The following KIF1B variants were observed in gnomAD, a reference collection of about 807,000 sequenced individuals.
The protein encoded by KIF1B is kinesin family member 1B, also known as kinesin-like protein KIF1B.
Under a neutral mutation model 241.9 loss-of-function variants are expected in KIF1B, and 76 were observed. That is an observed-to-expected ratio of 0.31 (90% confidence interval 0.26 to 0.38). The LOEUF (loss-of-function observed/expected upper bound fraction) is 0.38, where lower values mean the gene tolerates loss of function less well. Ranked by LOEUF, KIF1B falls within the 10% of genes least tolerant of loss-of-function variation. KIF1B has a pLI of 1.00. For missense variants in KIF1B, 1,622 were observed against 2,271.4 expected (o/e 0.71, Z 5.81); for synonymous variants, 750 against 796.7 (o/e 0.94, Z 0.99).
intron 2 of KIF1B, among the ~76,000 whole-genome samples, chr1:10,248,095 A>G (rs968991104): frequency 6.6e-6 from 1 of 152,128 alleles, no homozygotes; most frequent in Non-Finnish European, 1.5e-5. Flanking sequence ...CCCCTGCTCT[A>G]CAGCATTCTA....
At chr1:10,343,168 A>G (rs901951076) in intron 33 of KIF1B, 64 bp from the exon 34 acceptor site, 3 of 1,542,318 alleles carry the variant, frequency 1.9e-6, no homozygotes, top group Admixed American at 3.4e-5. Context: ...TCCAGCACAA[A>G]GGGGAGAATT....
intron 16 of KIF1B, among the ~76,000 whole-genome samples, chr1:10,291,630 T>A (rs534301633): frequency 6.6e-6 from 1 of 151,340 alleles, no homozygotes; most frequent in Non-Finnish European, 1.5e-5. Context: ...GAGAATGGCG[T>A]GAACCTGGGA....
chr1:10,211,079 C>T (rs1187935394), intron 1 of KIF1B, among the ~76,000 whole-genome samples: 3 of 152,026 alleles, frequency 2.0e-5, no homozygotes, highest in Admixed American at 6.6e-5. Context: ...GGCCGGCGTC[C>T]AGCGGTCGGC....
At chr1:10,286,544 A>G (rs148824474) in intron 15 of KIF1B, among the ~76,000 whole-genome samples, 28 of 152,360 alleles carry the variant, frequency 1.8e-4, no homozygotes, top group African/African-American at 6.7e-4. Flanking sequence ...GAAGCATGCT[A>G]TGTTCAGTAC....
intron 3 of KIF1B, among the ~76,000 whole-genome samples, chr1:10,257,982 G>C (rs1052229081): frequency 6.6e-6 from 1 of 152,184 alleles, no homozygotes; most frequent in Non-Finnish European, 1.5e-5. Flanking sequence ...CTGCCCTGGG[G>C]AATCGATGTT....
Position 10,337,634 on chromosome 1 carries a change from T to G in KIF1B, c.3422+101T>G. ...TACATGTGTGAGGGATTAACACTCTTGAGACAAAGACTGATCAGTCTCTGA... is the reference window on the plus strand; with the variant it reads ...TACATGTGTGAGGGATTAACACTCTGGAGACAAAGACTGATCAGTCTCTGA... On this transcript the variant is annotated intron_variant, in intron 31 of 48. Transcript: ENST00000676179. The surrounding 1 kb of genome is among the most constrained non-coding windows in gnomAD (Gnocchi z 4.0). The G allele has an allele frequency of 7.7e-7, 1 of 1,296,136 alleles. No homozygotes were observed. The allele number at this position is 1,296,136 out of a possible 1,614,324, so 80.3% of individuals were successfully genotyped here. A position where few individuals can be genotyped will look rare whatever the true frequency, so the allele number is the denominator to read the frequency against.
chr1:10,296,463 C>A, intron 19 of KIF1B, 119 bp from the exon 20 acceptor site: 1 of 829,866 alleles, frequency 1.2e-6, no homozygotes, highest in Non-Finnish European at 2.0e-6. Flanking sequence ...CAACTTCAGC[C>A]ACTTGATTGA....
chr1:10,367,342 C>T (rs753597119), intron 43 of KIF1B, among the ~76,000 whole-genome samples: 19 of 151,630 alleles, frequency 1.3e-4, no homozygotes, highest in Non-Finnish European at 2.4e-4. Flanking sequence ...GTGATCCACC[C>T]GCCTCAGCCT....
intron 26 of KIF1B, 96 bp downstream of exon 26, chr1:10,324,991 A>G: frequency 7.7e-7 from 1 of 1,296,614 alleles, no homozygotes; most frequent in South Asian, 1.2e-5. Context: ...AAGAGGAAAA[A>G]AAAAGGTGTA....
chr1:10,346,959 C>G (rs561203054), intron 35 of KIF1B, among the ~76,000 whole-genome samples: 24 of 152,328 alleles, frequency 1.6e-4, no homozygotes, highest in African/African-American at 5.5e-4. Flanking sequence ...TGTCTTCAGA[C>G]ATTGCCAAAT....
At chr1:10,364,177 A>T (rs559466881) in intron 41 of KIF1B, among the ~76,000 whole-genome samples, 8 of 147,812 alleles carry the variant, frequency 5.4e-5, no homozygotes, top group African/African-American at 2.0e-4. Context: ...CTTTTTAAAA[A>T]TTTTTATTTT....
chr1:10,361,975 T>A, intron 40 of KIF1B, 150 bp downstream of exon 40: 1 of 855,656 alleles, frequency 1.2e-6, no homozygotes, highest in Non-Finnish European at 1.9e-6. Context: ...CTGACTTGCA[T>A]GCTGACATTT....
chr1:10,263,445 C>T (rs576321702), intron 5 of KIF1B, among the ~76,000 whole-genome samples: 1 of 151,960 alleles, frequency 6.6e-6, no homozygotes, highest in East Asian at 1.9e-4. Flanking sequence ...AAAAAATAGG[C>T]TGCCTTTTAA....
chr1:10,249,122 T>G (rs1283805988), intron 2 of KIF1B, among the ~76,000 whole-genome samples: 2 of 152,220 alleles, frequency 1.3e-5, no homozygotes, highest in Non-Finnish European at 2.9e-5. Flanking sequence ...CATGTGACCC[T>G]GGGGGTGGGT....
rs1638850153 is a variant in KIF1B at position 10,375,259 on chromosome 1, C to T, written c.5294C>T (p.Pro1765Leu). Residue 1765 changes from proline to leucine, a missense_variant, in exon 48 of 49, where the codon CCA (proline) becomes CTA (leucine). Coordinates refer to ENST00000676179, the MANE Select transcript of KIF1B (RefSeq NM_001365951.3). ...SEDQQAMVKT[P>L]NTFAVCTKHR... is the part of the protein sequence containing the mutation. The stretch of plus-strand genomic sequence containing the variant: ...CTACCTGCATTTTTCTTTCAGACAC[C>T]AAACACCTTTGCTGTCTGCACAAAG... 1 of 1,613,462 alleles carries T rather than the reference C, an allele frequency of 6.2e-7. No individual in the cohort carries two copies. Among genetic ancestry groups the T allele is most frequent in the South Asian group, 1.1e-5 (1 of 91,070 alleles).
intron 22 of KIF1B, among the ~76,000 whole-genome samples, chr1:10,312,589 T>G (rs1651116253): frequency 6.6e-6 from 1 of 151,520 alleles, no homozygotes; most frequent in Admixed American, 6.6e-5. Context: ...ACTCTGCCAT[T>G]CCATCCACAC....
Position 10,318,133 on chromosome 1 carries a change from A to G in KIF1B, c.2116-1910A>G, listed in dbSNP as rs1017920794. 4.7e-4 allele frequency among the ~76,000 whole-genome samples: 71 copies of G among 151,342 alleles called. 3 individuals are homozygous for G. Among genetic ancestry groups the G allele is most frequent in the African/African-American group, 1.6e-3 (66 of 40,722 alleles). On this transcript the variant is annotated intron_variant, in intron 22 of 48. Transcript: ENST00000676179. Reference sequence around the variant, plus strand: ...CCTAAAAAAGTGTGTTTAGATATCTAGTAAAGCTATGTAGTTGGTTCGTGG... The same window carrying G: ...CCTAAAAAAGTGTGTTTAGATATCTGGTAAAGCTATGTAGTTGGTTCGTGG...
chr1:10,366,307 T>C (rs1422041261), intron 43 of KIF1B, among the ~76,000 whole-genome samples: 1 of 152,134 alleles, frequency 6.6e-6, no homozygotes, highest in East Asian at 1.9e-4. Context: ...CACAAGCATA[T>C]AATAGAGATG....
chr1:10,220,371 A>AATAGATAGATAGATAGATAGATAG (rs1553160021), intron 1 of KIF1B, among the ~76,000 whole-genome samples: 10 of 143,566 alleles, frequency 7.0e-5, no homozygotes, highest in South Asian at 2.3e-4. Flanking sequence ...ACCCTGTTTC[A>AATAGATAGATAGATAGATAGATAG]ATAGATAGAT....
Sources: allele counts gnomAD v4.1 joint callset (sites outside exome capture counted in the v4.1 genomes callset), GRCh38; gene constraint gnomAD v4.1.1; non-coding constraint Gnocchi (gnomAD v3.1); transcripts MANE v1.5; gene names NCBI Gene and HGNC (gene_info 2026-07-23, HGNC 2026-07-21).